Variants in REV3L observed in about 807,000 individuals in gnomAD.
The protein encoded by REV3L is DNA polymerase zeta catalytic subunit.
REV3L carries 69 observed loss-of-function variants against 299.4 expected under a neutral mutation model. The ratio of observed to expected loss-of-function variants is 0.23; its 90% CI spans 0.19 to 0.28. REV3L has a LOEUF of 0.28. Among genes scored for constraint, REV3L ranks in the 10% least tolerant of loss-of-function variants. The pLI, the probability that REV3L is intolerant of heterozygous loss-of-function variation, is 1.00. For synonymous variants in REV3L, 1,238 were observed against 1,271.4 expected (o/e 0.97, Z 0.56); for missense variants, 3,128 against 3,693.8 (o/e 0.85, Z 3.97).
rs1391081677 is a variant in REV3L, at chr6:111,375,265, G to A, written c.3090C>T (p.Ser1030=). ...GATAAATGGGATATTTGGTTGCAGG[G>A]GAGTCGGGAACTTTTGGCCAAAAGT... ...LKDFWPKVPD[S]PATKYPIYPL... is the part of the protein sequence containing the mutation. The change falls in exon 13 of 32, where the codon TCC becomes TCT. Residue 1030 remains serine, a synonymous_variant. Coordinates refer to ENST00000368802, the MANE Select transcript of REV3L (RefSeq NM_001372078.1). 3.7e-6 allele frequency: 6 copies of A among 1,609,542 alleles called. No individual in the cohort carries two copies. The highest frequency in any genetic ancestry group is 5.1e-6 in the Non-Finnish European group (6 of 1,179,182).
intron 4 of REV3L, among the ~76,000 whole-genome samples, chr6:111,397,406 T>C (rs1048786384): frequency 3.9e-5 from 6 of 152,154 alleles, no homozygotes; most frequent in African/African-American, 1.2e-4. Context: ...TTCCATGTAT[T>C]GGTACAGTTT....
chr6:111,369,856 T>C (rs1779603283), intron 13 of REV3L, among the ~76,000 whole-genome samples: 2 of 152,118 alleles, frequency 1.3e-5, no homozygotes, highest in Admixed American at 1.3e-4. Context: ...TTTTTTTTTT[T>C]TGAGACAGTC....
chr6:111,391,529 T>C (rs1362218959), intron 5 of REV3L, among the ~76,000 whole-genome samples: 2 of 152,190 alleles, frequency 1.3e-5, no homozygotes, highest in Non-Finnish European at 2.9e-5. Context: ...CAAGTATATA[T>C]TTAGATGTTC....
intron 1 of REV3L, among the ~76,000 whole-genome samples, chr6:111,418,693 C>G (rs897629655): frequency 6.6e-6 from 1 of 152,168 alleles, no homozygotes; most frequent in Non-Finnish European, 1.5e-5. Flanking sequence ...CATGCTGGTT[C>G]AATGTTTTTA....
chr6:111,331,194 G>A (rs570207698), intron 24 of REV3L: 3 of 180,848 alleles, frequency 1.7e-5, no homozygotes, highest in African/African-American at 7.1e-5. Flanking sequence ...AGAGAAAAAA[G>A]GGACCCTATT....
chr6:111,403,699 T>C (rs1783326444), intron 4 of REV3L, among the ~76,000 whole-genome samples: 1 of 152,170 alleles, frequency 6.6e-6, no homozygotes, highest in South Asian at 2.1e-4. Flanking sequence ...TTAGGCAAAT[T>C]AGTAACCCTA....
intron 31 of REV3L, among the ~76,000 whole-genome samples, chr6:111,301,899 G>A (rs973233746): frequency 3.3e-5 from 5 of 152,166 alleles, no homozygotes; most frequent in Admixed American, 6.5e-5. Flanking sequence ...TTAAGAAAAT[G>A]CAGGCCGACT....
chr6:111,436,247 G>A (rs1378555135), intron 1 of REV3L, among the ~76,000 whole-genome samples: 1 of 152,062 alleles, frequency 6.6e-6, no homozygotes, highest in Non-Finnish European at 1.5e-5. Flanking sequence ...ACTGTGTGGA[G>A]GTTCCTCAAT....
intron 3 of REV3L, among the ~76,000 whole-genome samples, chr6:111,409,056 A>G (rs1783956706): frequency 6.6e-6 from 1 of 152,228 alleles, no homozygotes; most frequent in Non-Finnish European, 1.5e-5. Context: ...ATTTTTCAAA[A>G]CAAGAACAAC....
At chr6:111,475,903 A>C (rs1314230722) in intron 1 of REV3L, among the ~76,000 whole-genome samples, 1 of 152,178 alleles carries the variant, frequency 6.6e-6, no homozygotes, top group East Asian at 1.9e-4. Flanking sequence ...CTCCTCTGGA[A>C]GCCAACATTA....
chr6:111,397,568 A>T (rs1782650421), intron 4 of REV3L, among the ~76,000 whole-genome samples: 1 of 152,208 alleles, frequency 6.6e-6, no homozygotes, highest in Non-Finnish European at 1.5e-5. Context: ...GCAGATGAGG[A>T]GAATGTGTAT....
intron 19 of REV3L, among the ~76,000 whole-genome samples, chr6:111,351,197 T>C (rs1001154061): frequency 6.6e-6 from 1 of 152,044 alleles, no homozygotes; most frequent in African/African-American, 2.4e-5. Context: ...AGTTAACTAC[T>C]AGTGTTCCTC....
chr6:111,455,599 T>A (rs1043260055), intron 1 of REV3L, among the ~76,000 whole-genome samples: 1 of 152,182 alleles, frequency 6.6e-6, no homozygotes, highest in African/African-American at 2.4e-5. Flanking sequence ...GCTATTATGA[T>A]GATCCATGCA....
chr6:111,335,699 C>T, intron 21 of REV3L, 89 bp from the exon 22 acceptor site: 4 of 1,321,882 alleles, frequency 3.0e-6, no homozygotes, highest in Non-Finnish European at 4.1e-6. Context: ...AATCTACATG[C>T]TAAAAGTGAG....
In REV3L at chr6:111,387,751, A is replaced by G; in HGVS notation, c.1096+14T>C. On this transcript the variant is annotated intron_variant, in intron 9 of 31. Coordinates refer to ENST00000368802, the MANE Select transcript of REV3L (RefSeq NM_001372078.1). The stretch of plus-strand genomic sequence containing the variant: ...GTTCTAGTAGTTTCTGTATACATGA[A>G]AAGAAAATCTTACCTTTGCTTGACT... 1 of 1,612,530 alleles carries G rather than the reference A, an allele frequency of 6.2e-7. No individual in the cohort carries two copies.
chr6:111,418,246 T>C (rs1184476235), intron 1 of REV3L, among the ~76,000 whole-genome samples: 1 of 152,210 alleles, frequency 6.6e-6, no homozygotes, highest in Non-Finnish European at 1.5e-5. Flanking sequence ...CAATGCCATA[T>C]TTTACAAGCA....
chr6:111,327,552 T>C (rs866974197), intron 25 of REV3L, among the ~76,000 whole-genome samples: 161 of 137,370 alleles, frequency 1.2e-3, no homozygotes, highest in African/African-American at 4.7e-3. Flanking sequence ...AGACGCTGTT[T>C]CAAAAAAAAA....
rs1171405243 is a variant in REV3L at position 111,372,985 on chromosome 6, G to A, written c.5370C>T (p.Leu1790=). The change falls in exon 13 of 32, where the codon CTC becomes CTT. Residue 1790 remains leucine, a synonymous_variant. Transcript: ENST00000368802. Reference sequence around the variant, plus strand: ...TCCAGTCTGAATTGTTTGGCTGTGGGAGGCTAAGAAACACTTCTTTGCTTA... The same window carrying A: ...TCCAGTCTGAATTGTTTGGCTGTGGAAGGCTAAGAAACACTTCTTTGCTTA... ...SSVSKEVFLS[L]PQPNNSDWIQ... 6.2e-7 allele frequency: 1 copy of A among 1,614,108 alleles called. No homozygotes were observed. The highest frequency in any genetic ancestry group is 8.5e-7 in the Non-Finnish European group (1 of 1,180,006).
chr6:111,387,132 T>A (rs188022336), intron 9 of REV3L, among the ~76,000 whole-genome samples: 8 of 152,334 alleles, frequency 5.3e-5, no homozygotes, highest in Non-Finnish European at 8.8e-5. Flanking sequence ...TACTACAACA[T>A]GTATAAAACT....
Sources: allele counts gnomAD v4.1 joint callset (sites outside exome capture counted in the v4.1 genomes callset), GRCh38; gene constraint gnomAD v4.1.1; transcripts MANE v1.5; gene names NCBI Gene and HGNC (gene_info 2026-07-23, HGNC 2026-07-21).